LRRC4C: variants seen among roughly 807,000 people sequenced by gnomAD.
LRRC4C encodes leucine-rich repeat-containing protein 4C.
In LRRC4C, 5 loss-of-function variants were observed where a neutral mutation model predicts 33.6. That is an observed-to-expected ratio of 0.15 (90% CI 0.08 to 0.31). The LOEUF (loss-of-function observed/expected upper bound fraction) is 0.31, where lower values mean the gene tolerates loss of function less well. Among genes scored for constraint, LRRC4C ranks in the 10% least tolerant of loss-of-function variants. LRRC4C has a pLI of 1.00. For synonymous variants in LRRC4C, 329 were observed against 302.0 expected (o/e 1.09, Z -0.93); for missense variants, 560 against 796.7 (o/e 0.70, Z 3.58).
At chr11:40,855,240 C>T (rs1953723181) in intron 2 of LRRC4C, among the ~76,000 whole-genome samples, 1 of 152,180 alleles carries the variant, frequency 6.6e-6, no homozygotes, top group African/African-American at 2.4e-5. Context: ...TTCTAACAAT[C>T]ACATCTCCAT....
chr11:41,415,211 C>T (rs937349854), intron 1 of LRRC4C, among the ~76,000 whole-genome samples: 7 of 152,254 alleles, frequency 4.6e-5, no homozygotes, highest in Admixed American at 4.6e-4. Context: ...ATTTCCCACA[C>T]TCTAATTCTC....
In LRRC4C at chr11:40,119,550, C is replaced by G. The variant is rs11035694; in HGVS notation, c.-42-3216G>C. Reference sequence around the variant, plus strand: ...GATTCCTCTTAGCCTATTGCCAACACAGTGCCTGGCATACTGTAGGCACAA... The same window carrying G: ...GATTCCTCTTAGCCTATTGCCAACAGAGTGCCTGGCATACTGTAGGCACAA... On this transcript the variant is annotated intron_variant, in intron 6 of 6. Transcript: ENST00000528697. Among the ~76,000 whole-genome samples the G allele has an allele frequency of 8.1e-3, 1,232 of 152,260 alleles. 17 individuals carry two copies. Among genetic ancestry groups the G allele is most frequent in the African/African-American group, 0.028 (1,166 of 41,566 alleles).
At chr11:40,540,905 G>T (rs941983846) in intron 3 of LRRC4C, among the ~76,000 whole-genome samples, 1 of 152,124 alleles carries the variant, frequency 6.6e-6, no homozygotes, top group African/African-American at 2.4e-5. Flanking sequence ...TGTCAACAGT[G>T]ATTATCCCCA....
At chr11:40,496,624 G>T (rs1050558104) in intron 3 of LRRC4C, among the ~76,000 whole-genome samples, 8 of 152,084 alleles carry the variant, frequency 5.3e-5, no homozygotes, top group Non-Finnish European at 1.2e-4. Context: ...ATTTATGGTT[G>T]TCAATCATTT....
At chr11:40,783,141 T>C (rs1950281162) in intron 2 of LRRC4C, among the ~76,000 whole-genome samples, 1 of 152,158 alleles carries the variant, frequency 6.6e-6, no homozygotes, top group Non-Finnish European at 1.5e-5. Context: ...TTTTCTTAAA[T>C]GCAGCGAAGT....
intron 3 of LRRC4C, among the ~76,000 whole-genome samples, chr11:40,643,246 A>AAT (rs1281075053): frequency 6.6e-6 from 1 of 152,216 alleles, no homozygotes; most frequent in African/African-American, 2.4e-5. Flanking sequence ...AGAGCAATTT[A>AAT]ATAAGACAGA....
At chr11:41,013,285 C>A (rs115509567) in intron 1 of LRRC4C, among the ~76,000 whole-genome samples, 2,220 of 152,250 alleles carry the variant, frequency 0.015, 54 homozygotes, top group African/African-American at 0.051. Context: ...TAACCTGTGT[C>A]TTTACTTAGC....
At chr11:41,018,748 T>C (rs1232332990) in intron 1 of LRRC4C, among the ~76,000 whole-genome samples, 3 of 152,100 alleles carry the variant, frequency 2.0e-5, no homozygotes, top group Non-Finnish European at 4.4e-5. Flanking sequence ...GCTGACAGAT[T>C]AATACCAGAT....
chr11:40,495,327 G>T (rs544214737), intron 3 of LRRC4C, among the ~76,000 whole-genome samples: 1 of 152,096 alleles, frequency 6.6e-6, no homozygotes, highest in East Asian at 1.9e-4. Context: ...AAATTTGTTT[G>T]TTTCACCATG....
chr11:40,871,285 T>A (rs1591951668), intron 2 of LRRC4C, among the ~76,000 whole-genome samples: 5 of 152,124 alleles, frequency 3.3e-5, no homozygotes, highest in Admixed American at 3.3e-4. Flanking sequence ...AAGCCTGTGA[T>A]CTCTGTGACC....
chr11:41,177,744 T>C (rs966866462), intron 1 of LRRC4C, among the ~76,000 whole-genome samples: 7 of 152,222 alleles, frequency 4.6e-5, no homozygotes, highest in African/African-American at 1.2e-4. Flanking sequence ...TCCATTTATA[T>C]AGTCATTTTT....
At chr11:41,437,424 C>T (rs1437238833) in intron 1 of LRRC4C, among the ~76,000 whole-genome samples, 3 of 130,916 alleles carry the variant, frequency 2.3e-5, no homozygotes, top group Admixed American at 1.5e-4. Context: ...CGCGCGCGCG[C>T]GCACACACAC....
At chr11:41,308,744 C>G (rs1056192926) in intron 1 of LRRC4C, among the ~76,000 whole-genome samples, 1 of 151,548 alleles carries the variant, frequency 6.6e-6, no homozygotes, top group Non-Finnish European at 1.5e-5. Context: ...AGTTGTTTCA[C>G]AGAAGACATT....
At chr11:40,480,194 G>A (rs1438922079) in intron 3 of LRRC4C, among the ~76,000 whole-genome samples, 1 of 151,870 alleles carries the variant, frequency 6.6e-6, no homozygotes, top group Non-Finnish European at 1.5e-5. Context: ...GAAAAAGCAG[G>A]GGGGCTTCTG....
intron 1 of LRRC4C, among the ~76,000 whole-genome samples, chr11:41,164,185 T>C (rs1477716790): frequency 4.1e-5 from 1 of 24,336 alleles, no homozygotes; most frequent in Non-Finnish European, 1.7e-4. Context: ...TTCTTTTACC[T>C]TTTTTATTTT....
intron 1 of LRRC4C, among the ~76,000 whole-genome samples, chr11:40,964,788 G>A (rs568797025): frequency 6.6e-6 from 1 of 151,666 alleles, no homozygotes. Context: ...CATTTGGGTT[G>A]GTTCCAAGTC....
At chr11:40,529,590 C>A (rs1956192728) in intron 3 of LRRC4C, among the ~76,000 whole-genome samples, 1 of 152,082 alleles carries the variant, frequency 6.6e-6, no homozygotes, top group Non-Finnish European at 1.5e-5. Flanking sequence ...TAAAATTGTA[C>A]ATTTATTCAG....
At chr11:40,643,757 T>C (rs140887414) in intron 3 of LRRC4C, among the ~76,000 whole-genome samples, 86 of 152,120 alleles carry the variant, frequency 5.7e-4, no homozygotes, top group African/African-American at 2.0e-3. Context: ...CCAGTGGTAA[T>C]AAAGAGCCCC....
chr11:40,834,739 A>T (rs1194832886), intron 2 of LRRC4C, among the ~76,000 whole-genome samples: 2 of 152,124 alleles, frequency 1.3e-5, no homozygotes, highest in African/African-American at 4.8e-5. Flanking sequence ...GGCTAAACAC[A>T]ATAGGAAGCT....
Sources: gnomAD v4.1 joint callset for allele counts (sites outside exome capture counted in the v4.1 genomes callset) on GRCh38, gnomAD v4.1.1 for gene constraint, MANE v1.5 for transcripts, NCBI Gene and HGNC (gene_info 2026-07-23, HGNC 2026-07-21) for gene names.